EIF4G3: variants seen among roughly 807,000 people sequenced by gnomAD.
EIF4G3 encodes eIF-4-gamma 3.
Under a neutral mutation model 186.4 loss-of-function variants are expected in EIF4G3, and 34 were observed. The ratio of observed to expected loss-of-function variants is 0.18; its 90% confidence interval spans 0.14 to 0.24. EIF4G3 has a LOEUF of 0.24. Ranked by LOEUF, EIF4G3 falls within the 10% of genes least tolerant of loss-of-function variation. EIF4G3 has a pLI of 1.00. For synonymous variants in EIF4G3, 673 were observed against 679.5 expected (o/e 0.99, Z 0.15); for missense variants, 1,536 against 1,948.5 (o/e 0.79, Z 3.99).
intron 6 of EIF4G3, chr1:20,999,802 G>C (rs1448222357): frequency 2.5e-6 from 1 of 404,782 alleles, no homozygotes; most frequent in East Asian, 7.4e-5. Context: ...AACTGTAGTC[G>C]CTGCTGGCTC....
chr1:20,966,475 A>ATT lies in EIF4G3; in HGVS notation c.714+2997_714+2998dup, dbSNP rs796461952. Among the ~76,000 whole-genome samples, 137 of 140,076 alleles carry ATT rather than the reference A, an allele frequency of 9.8e-4. 5 individuals carry two copies. In the South Asian group the frequency reaches 0.019, roughly 19 times the overall value. 91.9% of individuals were successfully genotyped at this position (140,076 alleles called of 152,430 possible). A position where few individuals can be genotyped will look rare whatever the true frequency, so the allele number is the denominator to read the frequency against. Reference sequence around the variant, plus strand: ...GCTTCTTCTGAAACAATGGGTCAACATTTTTTTTTTTTTTTTGAGACACAG... The same window carrying ATT: ...GCTTCTTCTGAAACAATGGGTCAACATTTTTTTTTTTTTTTTTTGAGACACAG... On this transcript the variant is annotated intron_variant, in intron 12 of 36. Coordinates refer to ENST00000602326, the MANE Select transcript of EIF4G3 (RefSeq NM_001391906.1).
chr1:20,904,043 T>C (rs750407910), intron 15 of EIF4G3, among the ~76,000 whole-genome samples: 38 of 152,224 alleles, frequency 2.5e-4, no homozygotes, highest in Admixed American at 1.8e-3. Flanking sequence ...TCCTTAGGAC[T>C]GATTTGTCCT....
chr1:20,891,602 C>T (rs2034665), intron 18 of EIF4G3, among the ~76,000 whole-genome samples: 74,769 of 140,852 alleles, frequency 0.53, 20,210 homozygotes, highest in East Asian at 0.84. Context: ...GAAACCCCGT[C>T]TCTACTAAAA....
chr1:20,986,250 T>C (rs1307140237), intron 7 of EIF4G3, among the ~76,000 whole-genome samples: 1 of 152,184 alleles, frequency 6.6e-6, no homozygotes, highest in Non-Finnish European at 1.5e-5. Flanking sequence ...ACCTCTCTTA[T>C]TCCTGCCAGC....
intron 2 of EIF4G3, chr1:21,168,053 C>G: frequency 2.1e-6 from 1 of 470,410 alleles, no homozygotes; most frequent in Non-Finnish European, 4.4e-6. Flanking sequence ...GAAAAGCATT[C>G]CAAATAAACA....
chr1:21,003,291 T>A (rs953179473), intron 4 of EIF4G3, among the ~76,000 whole-genome samples: 9 of 151,378 alleles, frequency 5.9e-5, no homozygotes, highest in South Asian at 2.1e-4. Flanking sequence ...AACTTTTTAA[T>A]TTTTTTTAAG....
At chr1:21,136,139 C>T (rs774724584) in intron 2 of EIF4G3, among the ~76,000 whole-genome samples, 4 of 151,722 alleles carry the variant, frequency 2.6e-5, no homozygotes, top group South Asian at 2.1e-4. Flanking sequence ...GCCGAGATTG[C>T]GCTACTGCAG....
intron 2 of EIF4G3, among the ~76,000 whole-genome samples, chr1:21,171,539 C>A (rs1266802383): frequency 6.6e-6 from 1 of 152,196 alleles, no homozygotes; most frequent in Non-Finnish European, 1.5e-5. Flanking sequence ...GAGCAAACTG[C>A]TGCTTTGCCT....
intron 4 of EIF4G3, among the ~76,000 whole-genome samples, chr1:21,007,528 AAAAAAAAAAC>A (rs1191349177): frequency 4.9e-5 from 7 of 142,564 alleles, no homozygotes; most frequent in South Asian, 2.2e-4. Context: ...AAAAAAAAAA[AAAAAAAAAAC>A]ACACTCAAAA....
chr1:21,132,759 C>A lies in EIF4G3; in HGVS notation c.-272+43416G>T, dbSNP rs143999420. ...CCAGCTTTCATAGCTTTTAAAACTT[C>A]CAAATTTTCCTTTTTTAAAAAAATT... On this transcript the variant is annotated intron_variant, in intron 2 of 36. Coordinates refer to ENST00000602326, the MANE Select transcript of EIF4G3 (RefSeq NM_001391906.1). 4.4e-3 allele frequency among the ~76,000 whole-genome samples: 674 copies of A among 151,750 alleles called. 4 individuals are homozygous for A. The highest frequency in any genetic ancestry group is 0.015 in the African/African-American group (639 of 41,396).
intron 2 of EIF4G3, among the ~76,000 whole-genome samples, chr1:21,147,869 A>G (rs1288587504): frequency 6.6e-6 from 1 of 152,204 alleles, no homozygotes; most frequent in Non-Finnish European, 1.5e-5. Flanking sequence ...GAAAATATGT[A>G]CATGTATTAT....
rs184576469 is a variant in EIF4G3, at chr1:20,841,189, G to C, written c.3889-161C>G. 82 of 655,262 alleles carry C rather than the reference G, an allele frequency of 1.3e-4. No homozygotes were observed. In the African/African-American group the frequency reaches 1.5e-3, roughly 12 times the overall value. The allele number at this position is 655,262 out of a possible 1,614,324, so 40.6% of individuals were successfully genotyped here. A position where few individuals can be genotyped will look rare whatever the true frequency, so the allele number is the denominator to read the frequency against. On this transcript the variant is annotated intron_variant, in intron 29 of 36. Coordinates refer to ENST00000602326, the MANE Select transcript of EIF4G3 (RefSeq NM_001391906.1). ...TTATATTTGTTTAACATAATTTATA[G>C]CTCAGTAAATTACAGGCTGATATGG...
At chr1:20,978,267 T>A (rs2077248137) in intron 10 of EIF4G3, among the ~76,000 whole-genome samples, 2 of 152,154 alleles carry the variant, frequency 1.3e-5, no homozygotes, top group African/African-American at 4.8e-5. Context: ...ACTTGCAATA[T>A]GCTGTCAAAA....
intron 20 of EIF4G3, among the ~76,000 whole-genome samples, chr1:20,878,935 T>A (rs777153302): frequency 2.0e-5 from 3 of 152,206 alleles, no homozygotes; most frequent in Non-Finnish European, 4.4e-5. Flanking sequence ...TCACAGAGAT[T>A]AGAATTAGAA....
intron 2 of EIF4G3, among the ~76,000 whole-genome samples, chr1:21,135,489 G>GA (rs1336053426): frequency 6.6e-6 from 1 of 152,238 alleles, no homozygotes; most frequent in East Asian, 1.9e-4. Flanking sequence ...CAACAAGAGC[G>GA]AAACTCCGTC....
chr1:20,825,256 A>AAG lies in EIF4G3; in HGVS notation c.4270-59_4270-58insCT. On this transcript the variant is annotated intron_variant, in intron 32 of 36. Coordinates refer to ENST00000602326, the MANE Select transcript of EIF4G3 (RefSeq NM_001391906.1). Reference sequence around the variant, plus strand: ...TCACAGTGGAAGAAGAAACAGAAAAAAAAAAAAAAAAAAAGATTTGCTTGA... The same window carrying AAG: ...TCACAGTGGAAGAAGAAACAGAAAAAAGAAAAAAAAAAAAAAGATTTGCTTGA... 2.5e-6 allele frequency: 3 copies of AAG among 1,181,554 alleles called. No individual in the cohort carries two copies. The East Asian group carries it at 7.4e-5, about 29-fold the overall frequency. The allele number at this position is 1,181,554 out of a possible 1,614,324, so 73.2% of individuals were successfully genotyped here.
intron 4 of EIF4G3, among the ~76,000 whole-genome samples, chr1:21,031,078 T>A (rs752964100): frequency 6.6e-6 from 1 of 151,738 alleles, no homozygotes; most frequent in Non-Finnish European, 1.5e-5. Context: ...CCCAGCTATT[T>A]GGGTGGCTGA....
At chr1:20,849,817 A>T (rs1338240519) in intron 28 of EIF4G3, among the ~76,000 whole-genome samples, 1 of 152,150 alleles carries the variant, frequency 6.6e-6, no homozygotes. Flanking sequence ...TTCAAAGATG[A>T]AGAGTACATG....
chr1:21,167,331 T>C (rs943247203), intron 2 of EIF4G3, among the ~76,000 whole-genome samples: 2 of 152,292 alleles, frequency 1.3e-5, no homozygotes, highest in African/African-American at 2.4e-5. Context: ...TGTGGTCTTT[T>C]CCTCCTTCCT....
Sources: gnomAD v4.1 joint callset for allele counts (sites outside exome capture counted in the v4.1 genomes callset) on GRCh38, gnomAD v4.1.1 for gene constraint, MANE v1.5 for transcripts, NCBI Gene and HGNC (gene_info 2026-07-23, HGNC 2026-07-21) for gene names.